Variants in ZCCHC7 observed in about 807,000 individuals in gnomAD.
The protein encoded by ZCCHC7 is zinc finger CCHC domain-containing protein 7.
A neutral mutation model predicts 52.0 loss-of-function variants in ZCCHC7; 35 were observed. The ratio of observed to expected loss-of-function variants is 0.67; its 90% CI spans 0.51 to 0.89. ZCCHC7 has a LOEUF of 0.89. Among genes scored for constraint, ZCCHC7 ranks in the 40% least tolerant of loss-of-function variants. The pLI is 0.00. For missense variants in ZCCHC7, 574 were observed against 649.1 expected, an observed-to-expected ratio of 0.88 and a Z score of 1.26; for synonymous variants, 217 against 221.5, an observed-to-expected ratio of 0.98 and a Z score of 0.18.
chr9:37,160,553 CATTA>C (rs1424133819), intron 2 of ZCCHC7, among the ~76,000 whole-genome samples: 9 of 152,222 alleles, frequency 5.9e-5, no homozygotes, highest in African/African-American at 2.2e-4. Context: ...GGTCCTAAAG[CATTA>C]TGTGGGCCAG....
chr9:37,139,601 G>A (rs1324147280), intron 2 of ZCCHC7, among the ~76,000 whole-genome samples: 2 of 151,916 alleles, frequency 1.3e-5, no homozygotes, highest in Admixed American at 6.6e-5. Flanking sequence ...TTGAAAATTA[G>A]TTTATTGTGG....
chr9:37,175,368 C>T (rs889673992), intron 2 of ZCCHC7, among the ~76,000 whole-genome samples: 5 of 151,946 alleles, frequency 3.3e-5, no homozygotes, highest in African/African-American at 1.2e-4. Flanking sequence ...TCTGTGATTC[C>T]TAATATTTCT....
At chr9:37,311,114 C>T (rs903554701) in intron 5 of ZCCHC7, among the ~76,000 whole-genome samples, 3 of 151,972 alleles carry the variant, frequency 2.0e-5, no homozygotes, top group African/African-American at 4.8e-5. Context: ...GATACAGAGC[C>T]AATTCTGTGA....
chr9:37,315,041 T>C (rs1260695389), intron 5 of ZCCHC7, among the ~76,000 whole-genome samples: 1 of 151,874 alleles, frequency 6.6e-6, no homozygotes, highest in African/African-American at 2.4e-5. Context: ...GTTAAAATAA[T>C]TAGGCATGCC....
At chr9:37,221,616 T>C (rs935995007) in intron 2 of ZCCHC7, among the ~76,000 whole-genome samples, 1 of 152,138 alleles carries the variant, frequency 6.6e-6, no homozygotes, top group African/African-American at 2.4e-5. Flanking sequence ...AGTTTCTAAA[T>C]ATACAATAAT....
intron 6 of ZCCHC7, among the ~76,000 whole-genome samples, chr9:37,337,973 C>T (rs1830754872): frequency 6.6e-6 from 1 of 152,138 alleles, no homozygotes; most frequent in South Asian, 2.1e-4. Context: ...GTATATTAAA[C>T]TTAAACTAAC....
chr9:37,207,044 T>A (rs894479154), intron 2 of ZCCHC7, among the ~76,000 whole-genome samples: 1 of 152,092 alleles, frequency 6.6e-6, no homozygotes, highest in African/African-American at 2.4e-5. Context: ...GAGGATCGCT[T>A]GAACCCAGGA....
At chr9:37,175,091 C>A (rs1438948725) in intron 2 of ZCCHC7, among the ~76,000 whole-genome samples, 2 of 150,270 alleles carry the variant, frequency 1.3e-5, no homozygotes, top group African/African-American at 5.0e-5. Context: ...GCACTCCAAC[C>A]TGGATGACAG....
At chr9:37,271,556 G>A (rs1343620491) in intron 2 of ZCCHC7, among the ~76,000 whole-genome samples, 1 of 152,104 alleles carries the variant, frequency 6.6e-6, no homozygotes, top group African/African-American at 2.4e-5. Context: ...ATTTAAAAGA[G>A]TCCTTATTTA....
intron 2 of ZCCHC7, among the ~76,000 whole-genome samples, chr9:37,226,056 A>C (rs2133286025): frequency 6.6e-6 from 1 of 152,364 alleles, no homozygotes; most frequent in East Asian, 1.9e-4. Flanking sequence ...ATTGGAGAGA[A>C]TCTCAAATAA....
chr9:37,304,311 C>T lies in ZCCHC7; in HGVS notation c.778C>T (p.Arg260Ter), dbSNP rs377509996. 9.9e-6 allele frequency: 16 copies of T among 1,612,388 alleles called. No homozygotes were observed. Among genetic ancestry groups the T allele is most frequent in the African/African-American group, 2.7e-5 (2 of 74,764 alleles). ...TTTATCAAAAAACTGCCCCTTACCA[C>T]GAGTACGTGAAATATGCTTTGCTTC... ...GHLSKNCPLP[R>*]KVRRCFLCSR... The change falls in exon 4 of 9, where the codon CGA becomes TGA. Residue 260 changes from arginine to a stop codon, truncating the protein, a stop_gained and splice_region_variant. Transcript: ENST00000336755. LOFTEE classifies it high-confidence loss of function.
chr9:37,296,584 CTT>C (rs879621006), intron 2 of ZCCHC7, among the ~76,000 whole-genome samples: 1 of 141,314 alleles, frequency 7.1e-6, no homozygotes, highest in Non-Finnish European at 1.6e-5. Flanking sequence ...GCTATTGTTT[CTT>C]TTTTTTTTTT....
intron 2 of ZCCHC7, among the ~76,000 whole-genome samples, chr9:37,264,874 A>G (rs1337164774): frequency 6.6e-6 from 1 of 152,198 alleles, no homozygotes; most frequent in Non-Finnish European, 1.5e-5. Context: ...GTTAAAAGCT[A>G]TATGTTTGAA....
At chr9:37,320,326 C>T (rs562944296) in intron 5 of ZCCHC7, among the ~76,000 whole-genome samples, 10 of 152,316 alleles carry the variant, frequency 6.6e-5, no homozygotes, top group African/African-American at 2.4e-4. Context: ...GATCCGCCAA[C>T]CTTGGCCTCC....
intron 2 of ZCCHC7, among the ~76,000 whole-genome samples, chr9:37,245,027 ATTC>A (rs1353326893): frequency 6.6e-6 from 1 of 151,978 alleles, no homozygotes; most frequent in Non-Finnish European, 1.5e-5. Flanking sequence ...AGTGGAAATT[ATTC>A]TTGTAGAAAA....
chr9:37,286,002 A>G (rs751447274), intron 2 of ZCCHC7, among the ~76,000 whole-genome samples: 10 of 152,246 alleles, frequency 6.6e-5, no homozygotes, highest in Non-Finnish European at 1.5e-4. Context: ...ACCATCATTC[A>G]TATCCATATC....
intron 2 of ZCCHC7, among the ~76,000 whole-genome samples, chr9:37,292,572 T>G (rs308505): frequency 0.031 from 4,719 of 152,246 alleles, 172 homozygotes; most frequent in African/African-American, 0.078. Flanking sequence ...AATTAAATCC[T>G]CTTTTATTAT....
chr9:37,179,159 G>A (rs1274425760), intron 2 of ZCCHC7, among the ~76,000 whole-genome samples: 4 of 152,254 alleles, frequency 2.6e-5, no homozygotes, highest in Middle Eastern at 3.4e-3. Context: ...CTGAGAGGTG[G>A]TGTGTGTTTT....
chr9:37,207,172 G>A (rs142843279), intron 2 of ZCCHC7, among the ~76,000 whole-genome samples: 1,992 of 152,256 alleles, frequency 0.013, 28 homozygotes, highest in Middle Eastern at 0.024. Context: ...GTTTAGAGTT[G>A]AAGTATATGT....
Sources: allele counts gnomAD v4.1 joint callset (sites outside exome capture counted in the v4.1 genomes callset), GRCh38; gene constraint gnomAD v4.1.1; transcripts MANE v1.5; gene names NCBI Gene and HGNC (gene_info 2026-07-23, HGNC 2026-07-21).